Variants in SCG5 observed in about 807,000 individuals in gnomAD.
SCG5 encodes the protein secretogranin V, also known as neuroendocrine protein 7B2.
In SCG5, 18 loss-of-function variants were observed where a neutral mutation model predicts 25.7. That is an observed-to-expected ratio of 0.70 (90% CI 0.48 to 1.04). SCG5 has a LOEUF of 1.04. SCG5 is among the 50% of genes least tolerant of loss of function. The pLI, the probability that SCG5 is intolerant of heterozygous loss-of-function variation, is 0.00. For missense variants in SCG5, 206 were observed against 259.8 expected (o/e 0.79, Z 1.42); for synonymous variants, 101 against 91.7 (o/e 1.10, Z -0.58).
intron 5 of SCG5, chr15:32,692,387 A>T (rs2054875301): frequency 2.3e-6 from 1 of 434,088 alleles, no homozygotes. Context: ...CTTGGTCTAG[A>T]TACTCCACAT....
chr15:32,672,816 C>T (rs2054456649), intron 2 of SCG5, among the ~76,000 whole-genome samples: 1 of 149,626 alleles, frequency 6.7e-6, no homozygotes, highest in South Asian at 2.1e-4. Flanking sequence ...CACTTTCTCA[C>T]TTAGAATGAT....
chr15:32,696,631 C>T lies in SCG5; in HGVS notation c.*22C>T, dbSNP rs1337207349. ...GTAAAGAGAAGATGCTAGACGAAAACCCACATTACCTGTTAGGCCTCAGCA... is the reference window on the plus strand; with the variant it reads ...GTAAAGAGAAGATGCTAGACGAAAATCCACATTACCTGTTAGGCCTCAGCA... On this transcript the variant is annotated 3_prime_UTR_variant, in exon 6 of 6. Coordinates refer to ENST00000300175, the MANE Select transcript of SCG5 (RefSeq NM_001144757.3). The T allele has an allele frequency of 2.7e-6, 4 of 1,505,056 alleles. No individual in the cohort carries two copies. Among genetic ancestry groups the T allele is most frequent in the Non-Finnish European group, 3.7e-6 (4 of 1,084,508 alleles). 93.2% of individuals were successfully genotyped at this position (1,505,056 alleles called of 1,614,324 possible).
chr15:32,670,486 G>A (rs56180640), intron 2 of SCG5, among the ~76,000 whole-genome samples: 6,329 of 152,344 alleles, frequency 0.042, 398 homozygotes, highest in African/African-American at 0.13. Context: ...CTTGTCATGT[G>A]AGTTTAGAGA....
intron 2 of SCG5, among the ~76,000 whole-genome samples, chr15:32,651,201 AAAAAT>A (rs975534580): frequency 9.2e-5 from 14 of 152,326 alleles, no homozygotes; most frequent in Middle Eastern, 3.4e-3. Context: ...TCTGTCTCAG[AAAAAT>A]AAAATAAAAT....
chr15:32,645,913 C>T (rs962226228), intron 2 of SCG5, among the ~76,000 whole-genome samples: 6 of 152,266 alleles, frequency 3.9e-5, no homozygotes, highest in East Asian at 1.9e-4. Context: ...CTCTGCCTCC[C>T]GGGTTCACAC....
At chr15:32,663,434 G>T (rs1301137416) in intron 2 of SCG5, among the ~76,000 whole-genome samples, 1 of 152,130 alleles carries the variant, frequency 6.6e-6, no homozygotes, top group Non-Finnish European at 1.5e-5. Context: ...GTCTTTTGTG[G>T]CTGTCACTGC....
In SCG5 at chr15:32,695,101, C is replaced by T. The variant is rs572573857; in HGVS notation, c.544-1413C>T. 5.9e-5 allele frequency among the ~76,000 whole-genome samples: 9 copies of T among 151,988 alleles called. 1 individual carries two copies. Among genetic ancestry groups the T allele is most frequent in the Non-Finnish European group, 1.2e-4 (8 of 67,982 alleles). ...CGCAATCTCGGCTCACTGCAAGCTCCGCCTCCCAGGTTCCTGCCATTCTCC... is the reference window on the plus strand; with the variant it reads ...CGCAATCTCGGCTCACTGCAAGCTCTGCCTCCCAGGTTCCTGCCATTCTCC... On this transcript the variant is annotated intron_variant, in intron 5 of 5. Transcript: ENST00000300175.
At chr15:32,663,846 A>AGCCACTCCCTTGTCATTC (rs2054276796) in intron 2 of SCG5, among the ~76,000 whole-genome samples, 1 of 150,934 alleles carries the variant, frequency 6.6e-6, no homozygotes, top group Non-Finnish European at 1.5e-5. Flanking sequence ...GTGGGAAAGG[A>AGCCACTCCCTTGTCATTC]GCCACTCCCT....
chr15:32,657,220 T>TATA (rs71113464), intron 2 of SCG5, among the ~76,000 whole-genome samples: 8 of 106,574 alleles, frequency 7.5e-5, no homozygotes, highest in Non-Finnish European at 1.0e-4. Flanking sequence ...TATGTATGTA[T>TATA]TTCCAGGTGT....
intron 5 of SCG5, among the ~76,000 whole-genome samples, chr15:32,692,842 A>C (rs2054883669): frequency 6.6e-6 from 1 of 152,172 alleles, no homozygotes; most frequent in Non-Finnish European, 1.5e-5. Flanking sequence ...AGGCCCCCAC[A>C]ACAGAAGGTT....
chr15:32,643,061 A>G (rs1178546857), intron 1 of SCG5, among the ~76,000 whole-genome samples: 1 of 152,122 alleles, frequency 6.6e-6, no homozygotes, highest in East Asian at 1.9e-4. Flanking sequence ...CAGGATCGCA[A>G]ACGTATTGGA....
In SCG5 at chr15:32,679,833, G is replaced by C; in HGVS notation, c.294G>C (p.Leu98Phe). ...FGNIPNIVAE[L>F]TGDNIPKDFS... ...ACATCCCCAACATCGTGGCAGAGTT[G>C]ACTGGAGACAACATTCCTAAGGACT... The change falls in exon 3 of 6, where the codon TTG becomes TTC. Residue 98 changes from leucine (L) to phenylalanine (F), a missense_variant. Transcript: ENST00000300175. 2 of 1,613,946 alleles carry C rather than the reference G, an allele frequency of 1.2e-6. No individual in the cohort carries two copies. The highest frequency in any genetic ancestry group is 1.7e-6 in the Non-Finnish European group (2 of 1,179,844).
intron 2 of SCG5, among the ~76,000 whole-genome samples, chr15:32,664,835 G>A (rs933162869): frequency 6.6e-6 from 1 of 152,302 alleles, no homozygotes; most frequent in Middle Eastern, 3.4e-3. Context: ...AAGGAATACA[G>A]AAGGGAACCA....
chr15:32,658,730 G>A (rs140854265), intron 2 of SCG5, among the ~76,000 whole-genome samples: 27 of 152,316 alleles, frequency 1.8e-4, no homozygotes, highest in Admixed American at 8.5e-4. Flanking sequence ...CGATACCCTC[G>A]ATGGTGGCAG....
At chr15:32,658,490 A>T (rs948218861) in intron 2 of SCG5, among the ~76,000 whole-genome samples, 9 of 152,166 alleles carry the variant, frequency 5.9e-5, no homozygotes, top group Non-Finnish European at 8.8e-5. Flanking sequence ...GTATGTGTTG[A>T]GTGGAGGGTG....
chr15:32,694,429 AC>A (rs1595825109), intron 5 of SCG5, among the ~76,000 whole-genome samples: 1 of 152,200 alleles, frequency 6.6e-6, no homozygotes, highest in South Asian at 2.1e-4. Flanking sequence ...ATGACTGTGA[AC>A]TTTTAAACTC....
intron 4 of SCG5, among the ~76,000 whole-genome samples, chr15:32,686,495 A>G (rs1270031475): frequency 6.6e-6 from 1 of 152,192 alleles, no homozygotes; most frequent in Non-Finnish European, 1.5e-5. Flanking sequence ...GAAAGAAGAG[A>G]TATGTCAGGT....
intron 2 of SCG5, among the ~76,000 whole-genome samples, chr15:32,644,794 C>T (rs2053916979): frequency 6.6e-6 from 1 of 152,208 alleles, no homozygotes; most frequent in Non-Finnish European, 1.5e-5. Context: ...TCTCTAAAAG[C>T]ATACCAACCA....
chr15:32,669,869 G>GAAA (rs150586292), intron 2 of SCG5, among the ~76,000 whole-genome samples: 1 of 141,488 alleles, frequency 7.1e-6, no homozygotes, highest in African/African-American at 2.6e-5. Context: ...CACCGCTTCA[G>GAAA]AAAAAAAAAA....
Sources: gnomAD v4.1 joint callset for allele counts (sites outside exome capture counted in the v4.1 genomes callset) on GRCh38, gnomAD v4.1.1 for gene constraint, MANE v1.5 for transcripts, NCBI Gene and HGNC (gene_info 2026-07-23, HGNC 2026-07-21) for gene names.